CCBE1: variants seen among roughly 807,000 people sequenced by gnomAD.
CCBE1 encodes collagen and calcium binding EGF domains 1, also known as collagen and calcium-binding EGF domain-containing protein 1.
Under a neutral mutation model 50.0 loss-of-function variants are expected in CCBE1, and 37 were observed. That is an observed-to-expected ratio of 0.74 (90% confidence interval 0.57 to 0.97). CCBE1 has a LOEUF of 0.97. CCBE1 is among the 50% of genes least tolerant of loss of function. The pLI is 0.00. For synonymous variants in CCBE1, 234 were observed against 203.7 expected (o/e 1.15, Z -1.27); for missense variants, 538 against 523.8 (o/e 1.03, Z -0.26).
intron 2 of CCBE1, among the ~76,000 whole-genome samples, chr18:59,547,777 G>A (rs1477628833): frequency 6.6e-6 from 1 of 152,162 alleles, no homozygotes; most frequent in Admixed American, 6.5e-5. Context: ...GCTACGTCTG[G>A]GCGGCCCAGA....
intron 2 of CCBE1, among the ~76,000 whole-genome samples, chr18:59,589,609 C>T (rs548238960): frequency 1.3e-5 from 2 of 152,040 alleles, no homozygotes; most frequent in East Asian, 3.9e-4. Context: ...TCCTGGCTCA[C>T]ATGGTGAAAC....
chr18:59,512,128 G>A (rs959117531), intron 2 of CCBE1, among the ~76,000 whole-genome samples: 1 of 152,242 alleles, frequency 6.6e-6, no homozygotes, highest in Admixed American at 6.5e-5. Flanking sequence ...AAGGCAGGAA[G>A]GGAAGTGCTG....
chr18:59,659,783 C>G (rs2054257016), intron 2 of CCBE1, among the ~76,000 whole-genome samples: 1 of 152,188 alleles, frequency 6.6e-6, no homozygotes, highest in Admixed American at 6.5e-5. Context: ...AGAAACTTTT[C>G]CCACTGCCAG....
rs1276775124 is a variant in CCBE1 at position 59,480,256 on chromosome 18, A to G, written c.213-18T>C. On this transcript the variant is annotated intron_variant, in intron 2 of 10. Coordinates refer to ENST00000439986, the MANE Select transcript of CCBE1 (RefSeq NM_133459.4). Reference sequence around the variant, plus strand: ...ACTTTTTCCTAAGAGACAAACAAACATTTAAAATATAATAATTAGGCTAAA... The same window carrying G: ...ACTTTTTCCTAAGAGACAAACAAACGTTTAAAATATAATAATTAGGCTAAA... The G allele has an allele frequency of 1.3e-6, 2 of 1,527,722 alleles. No homozygotes were observed. Among genetic ancestry groups the G allele is most frequent in the African/African-American group, 1.4e-5 (1 of 73,110 alleles). 94.6% of individuals were successfully genotyped at this position (1,527,722 alleles called of 1,614,324 possible).
chr18:59,506,456 C>T (rs551393694), intron 2 of CCBE1, among the ~76,000 whole-genome samples: 1 of 152,242 alleles, frequency 6.6e-6, no homozygotes, highest in Non-Finnish European at 1.5e-5. Flanking sequence ...GACACCACTT[C>T]ACTTGCTAAA....
intron 2 of CCBE1, among the ~76,000 whole-genome samples, chr18:59,622,312 T>C (rs1328178029): frequency 6.6e-6 from 1 of 152,116 alleles, no homozygotes; most frequent in Non-Finnish European, 1.5e-5. Flanking sequence ...AGTTACATCC[T>C]TATTTCAACC....
intron 6 of CCBE1, 111 bp from the exon 7 acceptor site, chr18:59,448,214 T>C: frequency 6.8e-7 from 1 of 1,465,564 alleles, no homozygotes; most frequent in Non-Finnish European, 9.3e-7. Context: ...ATGTATATAC[T>C]TTTTACTAGA....
intron 2 of CCBE1, among the ~76,000 whole-genome samples, chr18:59,513,331 C>A (rs1392215001): frequency 6.7e-6 from 1 of 149,756 alleles, no homozygotes; most frequent in Non-Finnish European, 1.5e-5. Context: ...CAAAAAAATT[C>A]AAGAAAGGGC....
At chr18:59,575,472 G>A (rs2052981127) in intron 2 of CCBE1, among the ~76,000 whole-genome samples, 1 of 152,166 alleles carries the variant, frequency 6.6e-6, no homozygotes, top group Admixed American at 6.5e-5. Context: ...TTTAATAAAA[G>A]CATCCTCAGA....
chr18:59,655,830 C>CA (rs2054181684), intron 2 of CCBE1, among the ~76,000 whole-genome samples: 2 of 152,238 alleles, frequency 1.3e-5, no homozygotes, highest in African/African-American at 4.8e-5. Context: ...AGAGGACTTT[C>CA]ACTCCCCCAT....
At chr18:59,668,632 T>C (rs1201644230) in intron 2 of CCBE1, among the ~76,000 whole-genome samples, 3 of 152,036 alleles carry the variant, frequency 2.0e-5, no homozygotes, top group Admixed American at 6.6e-5. Context: ...CAGTTTATAT[T>C]AAAAACAAAA....
At chr18:59,534,340 G>T (rs1033459742) in intron 2 of CCBE1, among the ~76,000 whole-genome samples, 1 of 152,134 alleles carries the variant, frequency 6.6e-6, no homozygotes, top group African/African-American at 2.4e-5. Context: ...TGAGGTTTTT[G>T]TCTTGTCCTT....
intron 6 of CCBE1, among the ~76,000 whole-genome samples, chr18:59,453,150 A>T (rs1365723562): frequency 6.6e-6 from 1 of 152,234 alleles, no homozygotes; most frequent in Non-Finnish European, 1.5e-5. Flanking sequence ...CCTAAAGATC[A>T]TCCTGGCTGG....
chr18:59,641,975 A>G (rs142760029), intron 2 of CCBE1, among the ~76,000 whole-genome samples: 2 of 152,294 alleles, frequency 1.3e-5, no homozygotes, highest in East Asian at 3.9e-4. Flanking sequence ...GTGAAACTAC[A>G]AAACTTTAGG....
chr18:59,509,036 G>A (rs1339671326), intron 2 of CCBE1, among the ~76,000 whole-genome samples: 1 of 152,068 alleles, frequency 6.6e-6, no homozygotes, highest in African/African-American at 2.4e-5. Flanking sequence ...TCTTCTTAAA[G>A]GCAACATTTT....
chr18:59,488,183 T>A (rs766582684), intron 2 of CCBE1, among the ~76,000 whole-genome samples: 3 of 152,234 alleles, frequency 2.0e-5, no homozygotes, highest in African/African-American at 7.2e-5. Flanking sequence ...CCAGGGACTG[T>A]AAAGACGGAG....
chr18:59,595,993 A>T (rs1324749869), intron 2 of CCBE1, among the ~76,000 whole-genome samples: 1 of 152,212 alleles, frequency 6.6e-6, no homozygotes, highest in Admixed American at 6.5e-5. Flanking sequence ...TAAACTAAAA[A>T]CATATCTACA....
intron 2 of CCBE1, among the ~76,000 whole-genome samples, chr18:59,540,342 T>C (rs1225994335): frequency 1.3e-5 from 2 of 152,144 alleles, no homozygotes; most frequent in Non-Finnish European, 2.9e-5. Flanking sequence ...AAATATTACA[T>C]AGGACCCAGA....
chr18:59,690,656 G>T (rs1038600470), intron 2 of CCBE1, among the ~76,000 whole-genome samples: 1 of 152,348 alleles, frequency 6.6e-6, no homozygotes, highest in South Asian at 2.1e-4. Context: ...AACTGGATCT[G>T]ATCTCAAAGG....
Sources: gnomAD v4.1 joint callset for allele counts (sites outside exome capture counted in the v4.1 genomes callset) on GRCh38, gnomAD v4.1.1 for gene constraint, MANE v1.5 for transcripts, NCBI Gene and HGNC (gene_info 2026-07-23, HGNC 2026-07-21) for gene names.